THEMIS: variants seen among roughly 807,000 people sequenced by gnomAD.
THEMIS encodes the protein protein THEMIS.
THEMIS carries 37 observed loss-of-function variants against 52.6 expected under a neutral mutation model. That is an observed-to-expected ratio of 0.70 (90% CI 0.54 to 0.93). The LOEUF is 0.93. Ranked by LOEUF, THEMIS falls within the 40% of genes least tolerant of loss-of-function variation. THEMIS has a pLI of 0.00. For missense variants in THEMIS, 808 were observed against 763.1 expected, an observed-to-expected ratio of 1.06 and a Z score of -0.69; for synonymous variants, 292 against 272.7, an observed-to-expected ratio of 1.07 and a Z score of -0.70.
At chr6:127,760,083 CTT>C (rs34663747) in intron 4 of THEMIS, among the ~76,000 whole-genome samples, 20 of 142,960 alleles carry the variant, frequency 1.4e-4, no homozygotes, top group Admixed American at 1.4e-4. Context: ...AATCGAATCT[CTT>C]TTTTTTTTTT....
At chr6:127,879,610 G>A (rs1372914045) in intron 1 of THEMIS, among the ~76,000 whole-genome samples, 5 of 146,108 alleles carry the variant, frequency 3.4e-5, no homozygotes, top group African/African-American at 1.3e-4. Flanking sequence ...GATCTAGAAT[G>A]CTGTGTCACT....
intron 4 of THEMIS, among the ~76,000 whole-genome samples, chr6:127,765,166 TA>T (rs1776154787): frequency 6.6e-6 from 1 of 152,096 alleles, no homozygotes; most frequent in East Asian, 1.9e-4. Context: ...ATGGTTCTAA[TA>T]ACACAAAGCC....
intron 4 of THEMIS, among the ~76,000 whole-genome samples, chr6:127,757,514 G>A (rs1284960572): frequency 2.7e-5 from 4 of 150,474 alleles, no homozygotes; most frequent in Admixed American, 1.3e-4. Flanking sequence ...ACGGAGTCTC[G>A]CTTTGTCGCC....
rs905006859 is a variant in THEMIS, at chr6:127,795,634, CT to C, written c.1758+17248del. ...TGAGCCACCGCGCCCGGCCACCAGA[CT>C]TTTTTTAGAAGTTAATAAAGTGTTT... On this transcript the variant is annotated intron_variant, in intron 4 of 5. Coordinates refer to ENST00000368248, the MANE Select transcript of THEMIS (RefSeq NM_001010923.3). Among the ~76,000 whole-genome samples, 6 of 152,004 alleles carry C rather than the reference CT, an allele frequency of 3.9e-5. No homozygotes were observed. In the South Asian group the frequency reaches 1.2e-3, roughly 32 times the overall value.
rs566871024 is a variant in THEMIS at position 127,793,610 on chromosome 6, C to T, written c.1758+19273G>A. Among the ~76,000 whole-genome samples, 121 of 152,222 alleles carry T rather than the reference C, an allele frequency of 7.9e-4. 1 individual carries two copies. The highest frequency in any genetic ancestry group is 1.2e-3 in the Non-Finnish European group (84 of 68,008). On this transcript the variant is annotated intron_variant, in intron 4 of 5. Transcript: ENST00000368248. The stretch of plus-strand genomic sequence containing the variant: ...AGAAGACTACCATCCCTCAAAATAC[C>T]GCAGGCTCACTTGGGGTCTTTCCTG...
At chr6:127,901,153 C>T (rs762542920), upstream of THEMIS, 2 of 569,568 alleles carry the variant, frequency 3.5e-6, no homozygotes, top group Non-Finnish European at 6.3e-6. Flanking sequence ...TTTTTGTTCA[C>T]ATTGTGGCTT....
downstream of THEMIS, among the ~76,000 whole-genome samples, chr6:127,704,676 G>A (rs2114434275): frequency 6.6e-6 from 1 of 152,326 alleles, no homozygotes; most frequent in East Asian, 1.9e-4. Flanking sequence ...AGTAAGCCCA[G>A]CAGCAGCACT....
chr6:127,714,165 G>A (rs1774078727), intron 5 of THEMIS, among the ~76,000 whole-genome samples: 1 of 151,838 alleles, frequency 6.6e-6, no homozygotes, highest in Admixed American at 6.6e-5. Context: ...GTGATCCATA[G>A]AACCCCTACA....
the THEMIS span, among the ~76,000 whole-genome samples, chr6:127,699,054 G>T: frequency 2.7e-5 from 3 of 112,662 alleles, no homozygotes; most frequent in Non-Finnish European, 6.8e-5. Flanking sequence ...CATATTTCTA[G>T]GATATTCCTT....
chr6:127,704,023 T>G (rs1773767829), downstream of THEMIS, among the ~76,000 whole-genome samples: 1 of 152,202 alleles, frequency 6.6e-6, no homozygotes, highest in Non-Finnish European at 1.5e-5. Flanking sequence ...CAACCTCTTT[T>G]GTAAGAGAAC....
At chr6:127,871,368 T>C (rs1357580118) in intron 1 of THEMIS, among the ~76,000 whole-genome samples, 4 of 152,018 alleles carry the variant, frequency 2.6e-5, no homozygotes, top group Non-Finnish European at 5.9e-5. Context: ...ATCAAAGTTG[T>C]AGGACATAGC....
chr6:127,798,262 A>G (rs1441795319), intron 4 of THEMIS, among the ~76,000 whole-genome samples: 1 of 152,270 alleles, frequency 6.6e-6, no homozygotes, highest in Non-Finnish European at 1.5e-5. Flanking sequence ...ATGCAAACAC[A>G]TAACAGTGGA....
chr6:127,817,818 T>C (rs1778187563), intron 3 of THEMIS, among the ~76,000 whole-genome samples: 2 of 152,104 alleles, frequency 1.3e-5, no homozygotes, highest in South Asian at 4.1e-4. Context: ...ATAAAACTCC[T>C]AGGGTTGGGG....
chr6:127,778,774 AG>A (rs1776646563), intron 4 of THEMIS, among the ~76,000 whole-genome samples: 1 of 150,576 alleles, frequency 6.6e-6, no homozygotes, highest in Admixed American at 6.6e-5. Context: ...TACTTCATCC[AG>A]TTCGACTATA....
Position 127,731,693 on chromosome 6 carries a change from A to C in THEMIS, c.1759-11870T>G, listed in dbSNP as rs1233537759. On this transcript the variant is annotated intron_variant, in intron 4 of 5. Transcript: ENST00000368248. ...AATAGGTAGCTTTTTCTTTATTGCT[A>C]CTTTTTTTTTTTTTTTTTTTTTGAG... Among the ~76,000 whole-genome samples, 6 of 120,676 alleles carry C rather than the reference A, an allele frequency of 5.0e-5. No homozygotes were observed. In the East Asian group the frequency reaches 1.1e-3, roughly 22 times the overall value. 79.2% of individuals were successfully genotyped at this position (120,676 alleles called of 152,430 possible). A position where few individuals can be genotyped will look rare whatever the true frequency, so the allele number is the denominator to read the frequency against.
intron 4 of THEMIS, among the ~76,000 whole-genome samples, chr6:127,768,528 A>G (rs1484194557): frequency 6.6e-6 from 1 of 152,214 alleles, no homozygotes; most frequent in Non-Finnish European, 1.5e-5. Context: ...TCCTTTTAAA[A>G]TATGTATGCC....
At chr6:127,841,004 A>G (rs1390446397) in intron 2 of THEMIS, among the ~76,000 whole-genome samples, 2 of 152,058 alleles carry the variant, frequency 1.3e-5, no homozygotes, top group Non-Finnish European at 2.9e-5. Context: ...ACTATTTTGT[A>G]TGACACTATC....
At chr6:127,906,976 A>C (rs987339312) in intron 1 of THEMIS, among the ~76,000 whole-genome samples, 2 of 151,922 alleles carry the variant, frequency 1.3e-5, no homozygotes, top group Non-Finnish European at 2.9e-5. Flanking sequence ...TCACAAGCAG[A>C]GAAATAAGCT....
At chr6:127,890,880 T>C (rs1780784057) in intron 1 of THEMIS, among the ~76,000 whole-genome samples, 1 of 152,038 alleles carries the variant, frequency 6.6e-6, no homozygotes. Context: ...TAAATATCAA[T>C]AGAGAAATAC....
Sources: allele counts gnomAD v4.1 joint callset (sites outside exome capture counted in the v4.1 genomes callset), GRCh38; gene constraint gnomAD v4.1.1; transcripts MANE v1.5; gene names NCBI Gene and HGNC (gene_info 2026-07-23, HGNC 2026-07-21).